The following SCLT1 variants were observed in gnomAD, a reference collection of about 807,000 sequenced individuals.
SCLT1 encodes sodium channel-associated protein 1.
A neutral mutation model predicts 112.8 loss-of-function variants in SCLT1; 78 were observed. That is an observed-to-expected ratio of 0.69 (90% CI 0.58 to 0.83). The LOEUF (loss-of-function observed/expected upper bound fraction) is 0.83, where lower values mean the gene tolerates loss of function less well. Ranked by LOEUF, SCLT1 falls within the 40% of genes least tolerant of loss-of-function variation. The pLI is 0.00. For synonymous variants in SCLT1, 257 were observed against 254.7 expected (o/e 1.01, Z -0.09); for missense variants, 747 against 770.4 (o/e 0.97, Z 0.36).
chr4:128,959,215 G>A (rs1020817185), intron 12 of SCLT1, among the ~76,000 whole-genome samples: 3 of 151,962 alleles, frequency 2.0e-5, no homozygotes, highest in African/African-American at 7.2e-5. Context: ...CTTTAATAAA[G>A]TAATTGAGTA....
intron 2 of SCLT1, among the ~76,000 whole-genome samples, chr4:129,046,265 T>G (rs1270945981): frequency 1.3e-5 from 2 of 152,120 alleles, no homozygotes; most frequent in African/African-American, 4.8e-5. Context: ...CACACAAGTT[T>G]CAGTTAACAT....
chr4:129,042,888 C>A (rs530561400), intron 4 of SCLT1, among the ~76,000 whole-genome samples: 134 of 152,104 alleles, frequency 8.8e-4, no homozygotes, highest in Non-Finnish European at 1.2e-3. Context: ...TCCTGGCCAA[C>A]ATGGTGAAAC....
chr4:128,886,392 G>T (rs538128709), intron 20 of SCLT1, among the ~76,000 whole-genome samples: 33 of 152,128 alleles, frequency 2.2e-4, no homozygotes, highest in African/African-American at 7.7e-4. Flanking sequence ...TCTTCATTTT[G>T]TTAATATGCA....
intron 18 of SCLT1, among the ~76,000 whole-genome samples, chr4:128,899,215 C>T (rs377060096): frequency 6.6e-6 from 1 of 151,990 alleles, no homozygotes; most frequent in African/African-American, 2.4e-5. Flanking sequence ...GGCAGAGACA[C>T]AACAAAAAAA....
intron 2 of SCLT1, among the ~76,000 whole-genome samples, chr4:129,052,293 G>A (rs540734845): frequency 1.3e-5 from 2 of 152,288 alleles, no homozygotes; most frequent in African/African-American, 2.4e-5. Flanking sequence ...AGCTTCAGAA[G>A]GAATTGTACC....
At chr4:128,877,270 C>T (rs1230370916) in intron 3 of SCLT1, among the ~76,000 whole-genome samples, 1 of 152,162 alleles carries the variant, frequency 6.6e-6, no homozygotes, top group Non-Finnish European at 1.5e-5. Context: ...GATGAGGAAA[C>T]TGAGGCACAG....
chr4:129,012,302 G>A (rs1560963184), intron 5 of SCLT1, among the ~76,000 whole-genome samples: 1 of 152,124 alleles, frequency 6.6e-6, no homozygotes, highest in Non-Finnish European at 1.5e-5. Flanking sequence ...CGTCATTCAG[G>A]AGTAGGTTAT....
At chr4:128,906,717 T>G (rs761678018) in intron 18 of SCLT1, among the ~76,000 whole-genome samples, 24 of 152,314 alleles carry the variant, frequency 1.6e-4, no homozygotes, top group Non-Finnish European at 2.1e-4. Context: ...GGGGAAATTA[T>G]GAAGTTCACT....
intron 1 of SCLT1, among the ~76,000 whole-genome samples, chr4:129,092,216 C>T (rs946987169): frequency 6.6e-6 from 1 of 152,202 alleles, no homozygotes; most frequent in Non-Finnish European, 1.5e-5. Flanking sequence ...CCTTCACCAT[C>T]CAGCCCCTTT....
At chr4:129,088,761 C>T (rs1752602375) in intron 1 of SCLT1, among the ~76,000 whole-genome samples, 1 of 152,074 alleles carries the variant, frequency 6.6e-6, no homozygotes, top group Non-Finnish European at 1.5e-5. Flanking sequence ...GAAAAGATTC[C>T]CTATTTAATA....
chr4:128,944,440 A>G (rs1412162027), intron 16 of SCLT1, among the ~76,000 whole-genome samples: 2 of 152,172 alleles, frequency 1.3e-5, no homozygotes, highest in Non-Finnish European at 2.9e-5. Flanking sequence ...TCTAATTGCT[A>G]GTTTTTAGGA....
intron 2 of SCLT1, among the ~76,000 whole-genome samples, chr4:129,045,133 T>A (rs1264568590): frequency 1.3e-5 from 2 of 152,004 alleles, no homozygotes; most frequent in Admixed American, 1.3e-4. Context: ...TTGTTAAAAT[T>A]TTAACAATTA....
At chr4:129,012,007 A>T (rs1744569906) in intron 5 of SCLT1, among the ~76,000 whole-genome samples, 1 of 151,318 alleles carries the variant, frequency 6.6e-6, no homozygotes, top group South Asian at 2.1e-4. Context: ...GATCTTCTGG[A>T]TGTTTTTTTG....
intron 18 of SCLT1, among the ~76,000 whole-genome samples, chr4:128,920,361 G>A (rs147103225): frequency 4.5e-4 from 68 of 152,256 alleles, no homozygotes; most frequent in African/African-American, 1.5e-3. Context: ...GCACAATATC[G>A]GCTAAGTGAA....
At chr4:129,079,278 C>G (rs966064454) in intron 2 of SCLT1, among the ~76,000 whole-genome samples, 1 of 152,166 alleles carries the variant, frequency 6.6e-6, no homozygotes, top group African/African-American at 2.4e-5. Flanking sequence ...AGTCCACAGT[C>G]CAAAGTCTCA....
At chr4:128,981,013 A>G (rs554122771) in intron 9 of SCLT1, among the ~76,000 whole-genome samples, 2 of 152,118 alleles carry the variant, frequency 1.3e-5, no homozygotes, top group African/African-American at 4.8e-5. Flanking sequence ...TGACTCACTC[A>G]CTCAAAAAGT....
At chr4:128,886,317 A>G (rs1310699657) in intron 20 of SCLT1, among the ~76,000 whole-genome samples, 1 of 152,190 alleles carries the variant, frequency 6.6e-6, no homozygotes, top group African/African-American at 2.4e-5. Context: ...TTGAACCAGT[A>G]ACACGATGCT....
chr4:129,072,188 C>T (rs1164172945), intron 2 of SCLT1, among the ~76,000 whole-genome samples: 1 of 151,406 alleles, frequency 6.6e-6, no homozygotes, highest in Non-Finnish European at 1.5e-5. Context: ...GCTAATATAA[C>T]AGGTTTTCCT....
chr4:128,999,588 G>T, intron 7 of SCLT1, 84 bp downstream of exon 7: 1 of 918,212 alleles, frequency 1.1e-6, no homozygotes, highest in Non-Finnish European at 1.7e-6. Flanking sequence ...ATAGGGTAGA[G>T]TCTTAAGCGT....
Sources: gnomAD v4.1 joint callset for allele counts (sites outside exome capture counted in the v4.1 genomes callset) on GRCh38, gnomAD v4.1.1 for gene constraint, MANE v1.5 for transcripts, NCBI Gene and HGNC (gene_info 2026-07-23, HGNC 2026-07-21) for gene names.